The following ZBBX variants were observed in gnomAD, a reference collection of about 807,000 sequenced individuals.
ZBBX encodes zinc finger B-box domain-containing protein 1.
In ZBBX, 101 loss-of-function variants were observed where a neutral mutation model predicts 108.5. The ratio of observed to expected loss-of-function variants is 0.93; its 90% confidence interval spans 0.79 to 1.10. The LOEUF (loss-of-function observed/expected upper bound fraction) is 1.10, where lower values mean the gene tolerates loss of function less well. Among genes scored for constraint, ZBBX ranks in the 50% least tolerant of loss-of-function variants. The probability of loss-of-function intolerance (pLI) is 0.00; values close to 1 mark genes in which losing one functional copy is unlikely to be tolerated. For missense variants in ZBBX, 1,009 were observed against 941.4 expected (o/e 1.07, Z -0.94); for synonymous variants, 356 against 323.4 (o/e 1.10, Z -1.08).
chr3:167,245,865 T>C (rs1576761121), intron 20 of ZBBX, among the ~76,000 whole-genome samples: 1 of 152,212 alleles, frequency 6.6e-6, no homozygotes, highest in South Asian at 2.1e-4. Context: ...TTATTTCTTA[T>C]AGCAGTGTAA....
At chr3:167,185,593 T>C in the ZBBX span, among the ~76,000 whole-genome samples, 1 of 152,184 alleles carries the variant, frequency 6.6e-6, no homozygotes, top group Admixed American at 6.5e-5. Flanking sequence ...GTCCTATTAT[T>C]ATCACAAAAA....
intron 19 of ZBBX, among the ~76,000 whole-genome samples, chr3:167,286,130 C>T (rs1292696129): frequency 6.6e-6 from 1 of 152,016 alleles, no homozygotes. Flanking sequence ...AAGAATCAAT[C>T]ATATGAAGAG....
chr3:167,254,072 T>C (rs1167577157), intron 20 of ZBBX, among the ~76,000 whole-genome samples: 1 of 152,176 alleles, frequency 6.6e-6, no homozygotes, highest in African/African-American at 2.4e-5. Flanking sequence ...TTTAAAAAAC[T>C]AAATATGCCA....
At chr3:167,217,472 G>T in the ZBBX span, among the ~76,000 whole-genome samples, 7 of 152,246 alleles carry the variant, frequency 4.6e-5, no homozygotes, top group East Asian at 1.4e-3. Flanking sequence ...AATAACAGAT[G>T]CTGGTAAGGT....
At chr3:167,227,294 G>A in the ZBBX span, among the ~76,000 whole-genome samples, 1 of 151,720 alleles carries the variant, frequency 6.6e-6, no homozygotes, top group Non-Finnish European at 1.5e-5. Context: ...TGGAAAAGAA[G>A]CATCCAGATA....
the ZBBX span, among the ~76,000 whole-genome samples, chr3:167,208,855 G>C: frequency 6.6e-6 from 1 of 152,102 alleles, no homozygotes; most frequent in Non-Finnish European, 1.5e-5. Context: ...ACACCAAGCA[G>C]GTACTTGAGA....
the ZBBX span, among the ~76,000 whole-genome samples, chr3:167,191,934 T>TATATAGAGAGAGAGAGAGAGAGAGAGAG: frequency 5.4e-5 from 7 of 130,220 alleles, no homozygotes; most frequent in Admixed American, 1.5e-4. Flanking sequence ...TATATATATA[T>TATATAGAGAGAGAGAGAGAGAGAGAGAG]AGAGCAAGTT....
intron 12 of ZBBX, among the ~76,000 whole-genome samples, chr3:167,318,994 C>A (rs984948216): frequency 6.6e-6 from 1 of 151,894 alleles, no homozygotes; most frequent in African/African-American, 2.4e-5. Context: ...ACTCTCGTAC[C>A]TTGCTGGAGC....
rs565171203 is a variant in ZBBX at position 167,402,997 on chromosome 3, G to C, written c.-446+4729C>G. 2.0e-5 allele frequency among the ~76,000 whole-genome samples: 3 copies of C among 152,270 alleles called. No individual in the cohort carries two copies. The East Asian group carries it at 5.8e-4, about 29-fold the overall frequency. Reference sequence around the variant, plus strand: ...TGTAATTGGAAGAACAGAAGGATAGGAGAGGGAATAAGTCAGAGTACAAAA... The same window carrying C: ...TGTAATTGGAAGAACAGAAGGATAGCAGAGGGAATAAGTCAGAGTACAAAA... On this transcript the variant is annotated intron_variant, in intron 1 of 21. Coordinates refer to the ZBBX transcript ENST00000455345.
Position 167,380,230 on chromosome 3 carries a change from G to C in ZBBX, c.-287+17C>G, listed in dbSNP as rs1037286698. ...GACCATCCTCCCCTCTCATCCACCC[G>C]CAGACAGACAACCCACCTGGAGACC... is the stretch of plus-strand genomic sequence containing the variant. On this transcript the variant is annotated intron_variant, in intron 1 of 21. Coordinates refer to ENST00000675490, the MANE Select transcript of ZBBX (RefSeq NM_001199201.2). 1 of 152,246 alleles carries C rather than the reference G, an allele frequency of 6.6e-6. No individual in the cohort carries two copies. The highest frequency in any genetic ancestry group is 2.4e-5 in the African/African-American group (1 of 41,442). The allele number at this position is 152,246 out of a possible 1,614,324, so 9.4% of individuals were successfully genotyped here.
chr3:167,391,415 A>G (rs750204028), intron 1 of ZBBX, among the ~76,000 whole-genome samples: 2 of 152,032 alleles, frequency 1.3e-5, no homozygotes, highest in East Asian at 1.9e-4. Context: ...TTTTGCATCA[A>G]TGTTCATCAG....
chr3:167,212,531 C>T, the ZBBX span, among the ~76,000 whole-genome samples: 1 of 152,180 alleles, frequency 6.6e-6, no homozygotes, highest in Non-Finnish European at 1.5e-5. Context: ...CAGTCCATCT[C>T]CCATGGGACC....
chr3:167,301,739 C>T (rs1732710166), intron 17 of ZBBX, among the ~76,000 whole-genome samples: 1 of 151,964 alleles, frequency 6.6e-6, no homozygotes, highest in African/African-American at 2.4e-5. Flanking sequence ...GGTTGGATCG[C>T]GAGGTCAGGA....
the ZBBX span, among the ~76,000 whole-genome samples, chr3:167,205,649 T>A: frequency 6.6e-6 from 1 of 152,196 alleles, no homozygotes; most frequent in East Asian, 1.9e-4. Flanking sequence ...AAGAGTGTCA[T>A]GACGTTCCTA....
chr3:167,407,564 C>G (rs531677802), intron 1 of ZBBX, among the ~76,000 whole-genome samples: 3 of 152,008 alleles, frequency 2.0e-5, no homozygotes, highest in Non-Finnish European at 2.9e-5. Flanking sequence ...TGTCAATTAA[C>G]ACGTTTTTTA....
chr3:167,242,090 G>C (rs1396499870), intron 21 of ZBBX, among the ~76,000 whole-genome samples: 2 of 151,972 alleles, frequency 1.3e-5, no homozygotes, highest in Admixed American at 6.6e-5. Context: ...AATTTTCTAG[G>C]CTTGATTTCA....
At chr3:167,220,608 G>A in the ZBBX span, among the ~76,000 whole-genome samples, 5 of 151,850 alleles carry the variant, frequency 3.3e-5, no homozygotes, top group East Asian at 3.9e-4. Flanking sequence ...AGCCATCTAC[G>A]ACAGACTCAC....
At chr3:167,300,608 C>A (rs577654681) in intron 17 of ZBBX, among the ~76,000 whole-genome samples, 18 of 149,986 alleles carry the variant, frequency 1.2e-4, no homozygotes, top group African/African-American at 3.7e-4. Flanking sequence ...CCCCACCAAC[C>A]CTTTTTTTTT....
intron 20 of ZBBX, among the ~76,000 whole-genome samples, chr3:167,268,555 T>C (rs1177141942): frequency 6.6e-6 from 1 of 152,014 alleles, no homozygotes; most frequent in South Asian, 2.1e-4. Context: ...AAGCACTTGA[T>C]ATACAACAGG....
Sources: allele counts gnomAD v4.1 joint callset (sites outside exome capture counted in the v4.1 genomes callset), GRCh38; gene constraint gnomAD v4.1.1; transcripts MANE v1.5; gene names NCBI Gene and HGNC (gene_info 2026-07-23, HGNC 2026-07-21).